Variants in PCDH11X observed in about 807,000 individuals in gnomAD.
PCDH11X encodes the protein protocadherin 11 X-linked.
PCDH11X carries 18 observed loss-of-function variants against 53.3 expected under a neutral mutation model. The observed-to-expected ratio is 0.34, with a 90% CI of 0.23 to 0.50. The LOEUF is 0.50. Ranked by LOEUF, PCDH11X falls within the 20% of genes least tolerant of loss-of-function variation. The probability of loss-of-function intolerance (pLI) is 0.98; values close to 1 mark genes in which losing one functional copy is unlikely to be tolerated. For synonymous variants in PCDH11X, 279 were observed against 393.3 expected, an observed-to-expected ratio of 0.71 and a Z score of 3.44; for missense variants, 570 against 1,032.4, an observed-to-expected ratio of 0.55 and a Z score of 6.14.
intron 6 of PCDH11X, among the ~76,000 whole-genome samples, chrX:92,084,973 GGAAAAAAAAAAACTT>G (rs1209476118): frequency 3.6e-4 from 30 of 82,618 alleles, no homozygotes; most frequent in African/African-American, 1.7e-3. Context: ...TAAAACTATT[GGAAAAAAAAAAACTT>G]TAGAGAAATT....
At chrX:92,422,987 T>A (rs1185498479) in intron 9 of PCDH11X, among the ~76,000 whole-genome samples, 1 of 107,218 alleles carries the variant, frequency 9.3e-6, no homozygotes, top group Admixed American at 1.0e-4. Context: ...TAGCTGGGAC[T>A]ACAGGCACCC....
At chrX:92,255,136 G>A (rs1447527303) in intron 7 of PCDH11X, among the ~76,000 whole-genome samples, 2,681 of 105,635 alleles carry the variant, frequency 0.025, 58 homozygotes, top group African/African-American at 0.039. Flanking sequence ...GGCTTTGCTC[G>A]TTTCTTTTTA....
chrX:91,971,910 T>C (rs1238138732), intron 6 of PCDH11X, among the ~76,000 whole-genome samples: 1 of 111,278 alleles, frequency 9.0e-6, no homozygotes, highest in Non-Finnish European at 1.9e-5. Flanking sequence ...GTTGCCAGCA[T>C]TTGAGAGTTG....
intron 7 of PCDH11X, among the ~76,000 whole-genome samples, chrX:92,213,940 T>C (rs1474620161): frequency 8.9e-6 from 1 of 112,153 alleles, no homozygotes; most frequent in East Asian, 2.8e-4. Flanking sequence ...ATATGAATCA[T>C]TTGTTTACAT....
chrX:92,309,491 G>A (rs928714215), intron 8 of PCDH11X, among the ~76,000 whole-genome samples: 1 of 111,491 alleles, frequency 9.0e-6, no homozygotes, highest in African/African-American at 3.3e-5. Context: ...GTTGCCAGGG[G>A]CTGGAGGGAA....
At chrX:92,255,907 C>A (rs2067568336) in intron 7 of PCDH11X, among the ~76,000 whole-genome samples, 1 of 112,574 alleles carries the variant, frequency 8.9e-6, no homozygotes, top group Admixed American at 9.3e-5. Flanking sequence ...GCCCTGCCCC[C>A]AGAGGTGGAG....
At position 92,124,714 on chromosome X, in the gene PCDH11X, T is replaced by C. The variant is rs542516373; in HGVS notation, c.3034-76661T>C. On this transcript the variant is annotated intron_variant, in intron 6 of 10. Coordinates refer to ENST00000682573, the MANE Select transcript of PCDH11X (RefSeq NM_032968.5). ...TTTCAAGACAAACAGGGAATCTGAA[T>C]GTTAATGTAAATATTCCATATTTTT... Among the ~76,000 whole-genome samples the C allele has an allele frequency of 2.5e-4, 27 of 110,011 alleles. No homozygotes were observed. In the South Asian group the frequency reaches 0.011, roughly 43 times the overall value.
rs762298897 is a variant in PCDH11X at position 92,498,310 on chromosome X, T to A, written c.3367+29988T>A. On this transcript the variant is annotated intron_variant, in intron 10 of 10. Coordinates refer to ENST00000682573, the MANE Select transcript of PCDH11X (RefSeq NM_032968.5). ...AAATTAGCAAAAGTATAATGGTAAC[T>A]TGCAAAGTTTCTATAACAACGATGC... is the stretch of plus-strand genomic sequence containing the variant. Among the ~76,000 whole-genome samples, 145 of 110,434 alleles carry A rather than the reference T, an allele frequency of 1.3e-3. 1 individual carries two copies. The highest frequency in any genetic ancestry group is 4.4e-3 in the African/African-American group (133 of 30,413).
intron 6 of PCDH11X, among the ~76,000 whole-genome samples, chrX:92,194,093 A>G (rs1011092896): frequency 4.5e-5 from 5 of 111,841 alleles, no homozygotes; most frequent in African/African-American, 1.6e-4. Flanking sequence ...TACTTTGAAA[A>G]TAAGGACTAA....
At chrX:92,525,428 C>T (rs1405450802) in intron 10 of PCDH11X, among the ~76,000 whole-genome samples, 54 of 109,603 alleles carry the variant, frequency 4.9e-4, no homozygotes, top group African/African-American at 1.7e-3. Flanking sequence ...GTCAGGAGTT[C>T]GAGACCAGCC....
At chrX:92,254,740 C>A (rs1218040255) in intron 7 of PCDH11X, among the ~76,000 whole-genome samples, 6 of 108,453 alleles carry the variant, frequency 5.5e-5, no homozygotes, top group Non-Finnish European at 9.5e-5. Context: ...GTTGAAAATT[C>A]TTTTCTTTAA....
At chrX:92,229,022 A>T (rs1354853466) in intron 7 of PCDH11X, among the ~76,000 whole-genome samples, 1 of 111,854 alleles carries the variant, frequency 8.9e-6, no homozygotes, top group Non-Finnish European at 1.9e-5. Context: ...AAAGATTCAC[A>T]TTAAAAATCG....
At chrX:92,499,722 C>T (rs1329422357) in intron 10 of PCDH11X, among the ~76,000 whole-genome samples, 5 of 90,979 alleles carry the variant, frequency 5.5e-5, no homozygotes, top group African/African-American at 2.0e-4. Flanking sequence ...GTCCCAACTA[C>T]TCACAAGGCT....
intron 6 of PCDH11X, among the ~76,000 whole-genome samples, chrX:91,886,415 A>G (rs1190637650): frequency 9.0e-6 from 1 of 110,877 alleles, no homozygotes; most frequent in Non-Finnish European, 1.9e-5. Flanking sequence ...CTCCCCTGCA[A>G]GCACTCAAAG....
intron 6 of PCDH11X, among the ~76,000 whole-genome samples, chrX:92,148,121 TC>T (rs2065350361): frequency 7.3e-5 from 1 of 13,780 alleles, no homozygotes; most frequent in Non-Finnish European, 1.2e-4. Flanking sequence ...TTTCTTTCTT[TC>T]TTTCTTTCTT....
At chrX:91,846,128 G>A (rs1392249490) in intron 5 of PCDH11X, among the ~76,000 whole-genome samples, 3 of 111,303 alleles carry the variant, frequency 2.7e-5, no homozygotes, top group African/African-American at 9.8e-5. Flanking sequence ...CCACAAAATA[G>A]TGACTGGCCT....
chrX:92,533,353 G>C (rs1260347281), intron 10 of PCDH11X, among the ~76,000 whole-genome samples: 15 of 109,659 alleles, frequency 1.4e-4, no homozygotes, highest in African/African-American at 5.0e-4. Flanking sequence ...TAACATAAAA[G>C]AGTATGCTAT....
chrX:91,910,650 A>C (rs1941340040), intron 6 of PCDH11X, among the ~76,000 whole-genome samples: 1 of 110,781 alleles, frequency 9.0e-6, no homozygotes, highest in Admixed American at 9.7e-5. Context: ...TTACAGGATG[A>C]TCTGCAAGTA....
intron 6 of PCDH11X, among the ~76,000 whole-genome samples, chrX:92,024,718 C>CAAA (rs199917287): frequency 8.1e-4 from 44 of 54,642 alleles, no homozygotes; most frequent in Admixed American, 1.5e-3. Context: ...CAATCCTAAG[C>CAAA]AAAAAAAAAA....
Sources: gnomAD v4.1 joint callset for allele counts (sites outside exome capture counted in the v4.1 genomes callset) on GRCh38, gnomAD v4.1.1 for gene constraint, MANE v1.5 for transcripts, NCBI Gene and HGNC (gene_info 2026-07-23, HGNC 2026-07-21) for gene names.